Variants in GRK3 observed in about 807,000 individuals in gnomAD.
GRK3 encodes adrenergic, beta, receptor kinase 2.
In GRK3, 54 loss-of-function variants were observed where a neutral mutation model predicts 95.7. That is an observed-to-expected ratio of 0.56 (90% CI 0.45 to 0.71). The LOEUF is 0.71. GRK3 is among the 30% of genes least tolerant of loss of function. The pLI, the probability that GRK3 is intolerant of heterozygous loss-of-function variation, is 0.00. For synonymous variants in GRK3, 281 were observed against 290.8 expected (o/e 0.97, Z 0.34); for missense variants, 649 against 851.2 (o/e 0.76, Z 2.96).
chr22:25,591,259 G>C (rs968683933), intron 1 of GRK3, among the ~76,000 whole-genome samples: 2 of 152,166 alleles, frequency 1.3e-5, no homozygotes, highest in Non-Finnish European at 1.5e-5. Context: ...AAATGGAAGA[G>C]GTACATGGTG....
intron 3 of GRK3, among the ~76,000 whole-genome samples, chr22:25,649,818 T>G (rs1601501050): frequency 6.6e-6 from 1 of 152,194 alleles, no homozygotes; most frequent in East Asian, 1.9e-4. Flanking sequence ...CAAACTTGAT[T>G]AAATGTTAGA....
chr22:25,616,671 A>G (rs2084541610), intron 2 of GRK3, among the ~76,000 whole-genome samples: 1 of 152,200 alleles, frequency 6.6e-6, no homozygotes, highest in South Asian at 2.1e-4. Context: ...GGAAGTAGAG[A>G]GAAGTCATGG....
intron 3 of GRK3, among the ~76,000 whole-genome samples, chr22:25,649,691 A>C (rs1396904904): frequency 1.3e-5 from 2 of 152,216 alleles, no homozygotes; most frequent in Admixed American, 1.3e-4. Flanking sequence ...AAACTTTCTT[A>C]TATTTATTAT....
chr22:25,605,431 T>G (rs2084438218), intron 2 of GRK3, among the ~76,000 whole-genome samples: 1 of 152,228 alleles, frequency 6.6e-6, no homozygotes, highest in South Asian at 2.1e-4. Context: ...ATGTTCTCCT[T>G]TGCTTCTGAT....
chr22:25,587,215 T>TGA (rs1460495438), intron 1 of GRK3, among the ~76,000 whole-genome samples: 2 of 152,078 alleles, frequency 1.3e-5, no homozygotes, highest in Non-Finnish European at 2.9e-5. Context: ...TTAAATGAGA[T>TGA]GATTACATGG....
At chr22:25,705,070 T>G (rs2085289304) in intron 15 of GRK3, among the ~76,000 whole-genome samples, 1 of 152,212 alleles carries the variant, frequency 6.6e-6, no homozygotes, top group Non-Finnish European at 1.5e-5. Context: ...TTAGTGTGCA[T>G]ATTATACATA....
intron 1 of GRK3, among the ~76,000 whole-genome samples, chr22:25,565,674 G>A (rs1931452851): frequency 1.3e-5 from 2 of 152,168 alleles, no homozygotes; most frequent in Admixed American, 1.3e-4. Context: ...TATTGTCCGA[G>A]GTAGTTAAAC....
intron 11 of GRK3, among the ~76,000 whole-genome samples, chr22:25,688,219 G>A (rs567673863): frequency 1.5e-5 from 2 of 133,110 alleles, no homozygotes; most frequent in African/African-American, 5.7e-5. Context: ...CTGGACAACA[G>A]AGCAAGACTC....
chr22:25,635,851 C>G (rs573217650), intron 2 of GRK3, among the ~76,000 whole-genome samples: 1 of 152,276 alleles, frequency 6.6e-6, no homozygotes, highest in African/African-American at 2.4e-5. Flanking sequence ...TTTTGGCACC[C>G]ATCAGTTTTC....
At chr22:25,712,743 TGAAG>T (rs1568939703) in intron 17 of GRK3, among the ~76,000 whole-genome samples, 1 of 152,238 alleles carries the variant, frequency 6.6e-6, no homozygotes, top group Admixed American at 6.5e-5. Flanking sequence ...GGTGGCCTGC[TGAAG>T]GCTACAGGCA....
intron 1 of GRK3, among the ~76,000 whole-genome samples, chr22:25,599,382 G>A (rs1237908646): frequency 6.6e-6 from 1 of 152,042 alleles, no homozygotes; most frequent in Non-Finnish European, 1.5e-5. Context: ...CACGAGGTCA[G>A]GAGATCAAGA....
intron 1 of GRK3, among the ~76,000 whole-genome samples, chr22:25,601,661 A>G (rs2084410249): frequency 6.6e-6 from 1 of 152,186 alleles, no homozygotes; most frequent in African/African-American, 2.4e-5. Context: ...AGGATGGTCC[A>G]GAGATAGACC....
chr22:25,673,803 A>T (rs1051267074), intron 7 of GRK3, among the ~76,000 whole-genome samples: 3 of 152,008 alleles, frequency 2.0e-5, no homozygotes, highest in African/African-American at 7.2e-5. Context: ...CATTACTGAG[A>T]TATTATTGAC....
intron 1 of GRK3, among the ~76,000 whole-genome samples, chr22:25,582,240 C>A (rs1932125762): frequency 6.6e-6 from 1 of 151,856 alleles, no homozygotes; most frequent in Admixed American, 6.6e-5. Flanking sequence ...TGAGATTGTG[C>A]CACTGCACTC....
intron 2 of GRK3, among the ~76,000 whole-genome samples, 168 bp downstream of exon 2, chr22:25,604,621 C>T (rs927250215): frequency 3.9e-5 from 6 of 152,144 alleles, no homozygotes; most frequent in Non-Finnish European, 7.4e-5. Context: ...GACTTACATT[C>T]CTAGTAACAT....
chr22:25,625,477 G>A (rs918089185), intron 2 of GRK3, among the ~76,000 whole-genome samples: 10 of 152,160 alleles, frequency 6.6e-5, no homozygotes, highest in African/African-American at 1.2e-4. Flanking sequence ...GAAGATGCCC[G>A]TTGCCAGGCG....
At chr22:25,655,921 A>G (rs950356568) in intron 3 of GRK3, among the ~76,000 whole-genome samples, 1 of 152,200 alleles carries the variant, frequency 6.6e-6, no homozygotes, top group African/African-American at 2.4e-5. Context: ...CATAGTGTCT[A>G]TAATATGCTG....
intron 2 of GRK3, among the ~76,000 whole-genome samples, chr22:25,635,761 T>C (rs949470596): frequency 2.6e-5 from 4 of 152,198 alleles, no homozygotes; most frequent in African/African-American, 9.7e-5. Flanking sequence ...TTATGAGTTT[T>C]CCCTTTGTAA....
intron 11 of GRK3, among the ~76,000 whole-genome samples, chr22:25,689,478 A>C (rs1200146223): frequency 2.0e-5 from 3 of 152,330 alleles, no homozygotes; most frequent in Admixed American, 2.0e-4. Context: ...TATTTCAAGC[A>C]AAACAATAGT....
Sources: gnomAD v4.1 joint callset for allele counts (sites outside exome capture counted in the v4.1 genomes callset) on GRCh38, gnomAD v4.1.1 for gene constraint, MANE v1.5 for transcripts, NCBI Gene and HGNC (gene_info 2026-07-23, HGNC 2026-07-21) for gene names.